Variants in ATP9B observed in about 807,000 individuals in gnomAD.
The protein encoded by ATP9B is ATPase phospholipid transporting 9B, also known as probable phospholipid-transporting ATPase IIB.
In ATP9B, 110 loss-of-function variants were observed where a neutral mutation model predicts 146.1. The ratio of observed to expected loss-of-function variants is 0.75; its 90% confidence interval spans 0.65 to 0.88. ATP9B has a LOEUF of 0.88. ATP9B is among the 40% of genes least tolerant of loss of function. The pLI is 0.00. For synonymous variants in ATP9B, 604 were observed against 569.7 expected, an observed-to-expected ratio of 1.06 and a Z score of -0.86; for missense variants, 1,499 against 1,496.4, an observed-to-expected ratio of 1.00 and a Z score of -0.03.
intron 11 of ATP9B, among the ~76,000 whole-genome samples, chr18:79,215,513 A>C (rs552270800): frequency 1.7e-3 from 231 of 137,190 alleles, no homozygotes; most frequent in Middle Eastern, 3.5e-3. Flanking sequence ...TTAGACTTAC[A>C]TTGCAGTTTG....
intron 13 of ATP9B, among the ~76,000 whole-genome samples, chr18:79,301,464 C>T (rs1025527488): frequency 1.3e-5 from 2 of 152,118 alleles, no homozygotes; most frequent in East Asian, 1.9e-4. Flanking sequence ...TGCACGACTC[C>T]GTCTCAAAAA....
chr18:79,348,248 G>GAAAAAAAAAAAAAAAAAAAAAAAAAA (rs56654324), intron 25 of ATP9B, 52 bp downstream of exon 25: 2 of 827,708 alleles, frequency 2.4e-6, no homozygotes, highest in Non-Finnish European at 1.9e-6. Flanking sequence ...CTTCTATTTT[G>GAAAAAAAAAAAAAAAAAAAAAAAAAA]AAAAAAAAAA....
chr18:79,346,713 G>A (rs1313997142), intron 23 of ATP9B, among the ~76,000 whole-genome samples: 3 of 152,152 alleles, frequency 2.0e-5, no homozygotes, highest in East Asian at 1.9e-4. Flanking sequence ...ACGTCAGCAC[G>A]TGCTCAGTGC....
chr18:79,336,551 G>A (rs1325716005), intron 17 of ATP9B, 77 bp from the exon 18 acceptor site: 2 of 1,345,774 alleles, frequency 1.5e-6, no homozygotes, highest in Non-Finnish European at 2.1e-6. Flanking sequence ...CAATCAGAGT[G>A]TGGCACTGCC....
At chr18:79,163,754 GTATAA>G (rs1405358296) in intron 7 of ATP9B, among the ~76,000 whole-genome samples, 11 of 151,848 alleles carry the variant, frequency 7.2e-5, no homozygotes, top group African/African-American at 1.9e-4. Context: ...ATATATGCGT[GTATAA>G]TATAATATAT....
At chr18:79,176,735 C>A in intron 7 of ATP9B, 78 bp from the exon 8 acceptor site, 1 of 1,199,476 alleles carries the variant, frequency 8.3e-7, no homozygotes, top group Non-Finnish European at 1.2e-6. Context: ...TGGAATTATT[C>A]TTTGATGGCA....
At chr18:79,170,282 T>A (rs1165983708) in intron 7 of ATP9B, among the ~76,000 whole-genome samples, 1 of 152,198 alleles carries the variant, frequency 6.6e-6, no homozygotes, top group Non-Finnish European at 1.5e-5. Flanking sequence ...AATTGATGAA[T>A]GGGAGCACAC....
chr18:79,124,526 TC>T (rs1243676852), intron 4 of ATP9B, among the ~76,000 whole-genome samples: 1 of 152,256 alleles, frequency 6.6e-6, no homozygotes, highest in African/African-American at 2.4e-5. Context: ...GGCTTCTTTT[TC>T]CTTGAGTCCA....
chr18:79,173,561 G>A (rs1376511460), intron 7 of ATP9B: 4 of 394,278 alleles, frequency 1.0e-5, no homozygotes, highest in East Asian at 1.4e-4. Flanking sequence ...ATGCTCTAGC[G>A]TCATTTATAG....
In ATP9B at chr18:79,193,197, C is replaced by T. The variant is rs370456555; in HGVS notation, c.888C>T (p.Ile296=). 3.1e-6 allele frequency: 5 copies of T among 1,605,430 alleles called. No homozygotes were observed. Among genetic ancestry groups the T allele is most frequent in the Non-Finnish European group, 3.4e-6 (4 of 1,173,802 alleles). The change falls in exon 9 of 30, where the codon ATC becomes ATT. Residue 296 remains isoleucine, a synonymous_variant. Transcript: ENST00000426216. ...QLPALGDLFS[I]SAYVYAQKPQ... is the part of the protein sequence containing the mutation. ...CTGTATTCCAGGACCTTTTTTCTAT[C>T]AGTGCTTATGTTTATGCTCAGAAAC... is the stretch of plus-strand genomic sequence containing the variant.
In ATP9B at chr18:79,292,069, T is replaced by G. The variant is rs181385557; in HGVS notation, c.1412-11535T>G. On this transcript the variant is annotated intron_variant, in intron 13 of 29. Coordinates refer to ENST00000426216, the MANE Select transcript of ATP9B (RefSeq NM_198531.5). Reference sequence around the variant, plus strand: ...TCGTATTGTAGTGTATATCAGTACCTCATTTCTGTTTATTGCCAAATAATA... The same window carrying G: ...TCGTATTGTAGTGTATATCAGTACCGCATTTCTGTTTATTGCCAAATAATA... 3.9e-5 allele frequency among the ~76,000 whole-genome samples: 6 copies of G among 152,366 alleles called. 1 individual carries two copies. Among genetic ancestry groups the G allele is most frequent in the Admixed American group, 3.9e-4 (6 of 15,308 alleles).
intron 11 of ATP9B, among the ~76,000 whole-genome samples, chr18:79,240,441 G>A (rs2095877112): frequency 6.6e-6 from 1 of 152,234 alleles, no homozygotes; most frequent in South Asian, 2.1e-4. Context: ...CCTAATGGAA[G>A]TTTGAGTAGT....
At chr18:79,119,490 G>A (rs2094151832) in intron 4 of ATP9B, among the ~76,000 whole-genome samples, 1 of 151,884 alleles carries the variant, frequency 6.6e-6, no homozygotes, top group South Asian at 2.1e-4. Context: ...ACATGTATTA[G>A]CTTTAATTAT....
intron 11 of ATP9B, among the ~76,000 whole-genome samples, chr18:79,246,498 C>T (rs527615328): frequency 1.3e-5 from 2 of 152,306 alleles, no homozygotes; most frequent in South Asian, 4.1e-4. Flanking sequence ...CCCCTTCCTA[C>T]CCCCCATAAT....
At chr18:79,348,909 G>A (rs1006570028) in intron 25 of ATP9B, among the ~76,000 whole-genome samples, 9 of 152,240 alleles carry the variant, frequency 5.9e-5, no homozygotes, top group Admixed American at 3.3e-4. Flanking sequence ...ACTTGAACCC[G>A]GGACGGGGAG....
intron 11 of ATP9B, among the ~76,000 whole-genome samples, chr18:79,242,891 TA>T (rs1344284568): frequency 6.6e-6 from 1 of 152,192 alleles, no homozygotes; most frequent in Non-Finnish European, 1.5e-5. Context: ...GTTTTAATAA[TA>T]AAAGGGTGAT....
At chr18:79,099,657 G>A (rs1318540615) in intron 2 of ATP9B, among the ~76,000 whole-genome samples, 1 of 151,972 alleles carries the variant, frequency 6.6e-6, no homozygotes, top group African/African-American at 2.4e-5. Flanking sequence ...ATAGAGACCA[G>A]GTCTTGCTAT....
chr18:79,340,197 A>C (rs1482559725), intron 19 of ATP9B: 2 of 152,230 alleles, frequency 1.3e-5, no homozygotes, highest in East Asian at 3.8e-4. Flanking sequence ...TTATTAGTAT[A>C]TTAAAGTAGT....
intron 10 of ATP9B, among the ~76,000 whole-genome samples, chr18:79,207,301 C>G (rs1475021199): frequency 6.6e-6 from 1 of 152,172 alleles, no homozygotes; most frequent in Non-Finnish European, 1.5e-5. Context: ...TGTTTCTTGA[C>G]AAACTTGTCA....
Sources: allele counts gnomAD v4.1 joint callset (sites outside exome capture counted in the v4.1 genomes callset), GRCh38; gene constraint gnomAD v4.1.1; transcripts MANE v1.5; gene names NCBI Gene and HGNC (gene_info 2026-07-23, HGNC 2026-07-21).